ROBO2: variants seen among roughly 807,000 people sequenced by gnomAD.
ROBO2 encodes the protein roundabout homolog 2.
ROBO2 carries 53 observed loss-of-function variants against 160.8 expected under a neutral mutation model. That is an observed-to-expected ratio of 0.33 (90% confidence interval 0.26 to 0.41). The LOEUF (loss-of-function observed/expected upper bound fraction) is 0.41, where lower values mean the gene tolerates loss of function less well. Among genes scored for constraint, ROBO2 ranks in the 10% least tolerant of loss-of-function variants. The pLI is 1.00. For missense variants in ROBO2, 1,577 were observed against 1,722.4 expected (o/e 0.92, Z 1.49); for synonymous variants, 664 against 611.7 (o/e 1.09, Z -1.26).
intron 2 of ROBO2, among the ~76,000 whole-genome samples, chr3:76,102,990 A>AT (rs1313030194): frequency 3.3e-5 from 5 of 151,772 alleles, no homozygotes; most frequent in Admixed American, 6.6e-5. Context: ...CGCCTGGATA[A>AT]TTTTTTGCAT....
intron 1 of ROBO2, among the ~76,000 whole-genome samples, chr3:77,056,289 A>G (rs984541432): frequency 1.3e-5 from 2 of 152,112 alleles, no homozygotes; most frequent in African/African-American, 2.4e-5. Flanking sequence ...TTGTCCCCCA[A>G]CCACCGTTTG....
chr3:77,484,538 CACACA>C (rs2085108865), intron 4 of ROBO2, among the ~76,000 whole-genome samples: 4 of 151,446 alleles, frequency 2.6e-5, no homozygotes, highest in Non-Finnish European at 5.9e-5. Flanking sequence ...CACACACACA[CACACA>C]TATATTTCTC....
At chr3:76,124,828 G>A (rs998372768) in intron 2 of ROBO2, among the ~76,000 whole-genome samples, 1 of 151,910 alleles carries the variant, frequency 6.6e-6, no homozygotes, top group African/African-American at 2.4e-5. Flanking sequence ...TCCAAACATA[G>A]CAACATTATT....
chr3:77,015,308 A>G (rs1160158842), intron 2 of ROBO2, among the ~76,000 whole-genome samples: 1 of 152,192 alleles, frequency 6.6e-6, no homozygotes, highest in African/African-American at 2.4e-5. Context: ...AGTGTGACCA[A>G]TTTGTAATGA....
At chr3:76,860,402 T>A (rs1467223054) in intron 2 of ROBO2, among the ~76,000 whole-genome samples, 1 of 152,222 alleles carries the variant, frequency 6.6e-6, no homozygotes, top group Non-Finnish European at 1.5e-5. Context: ...TCAGCTGATT[T>A]GTAACAGAGC....
intron 2 of ROBO2, among the ~76,000 whole-genome samples, chr3:76,619,873 A>G (rs555002779): frequency 5.3e-5 from 8 of 152,308 alleles, no homozygotes; most frequent in Admixed American, 2.6e-4. Flanking sequence ...CTGATTTGGA[A>G]GAAAGTCTTA....
intron 2 of ROBO2, among the ~76,000 whole-genome samples, chr3:76,043,993 T>C (rs754423997): frequency 5.3e-5 from 8 of 152,016 alleles, no homozygotes; most frequent in Non-Finnish European, 1.0e-4. Context: ...CAATGTCCCA[T>C]AAACAAATAC....
intron 2 of ROBO2, among the ~76,000 whole-genome samples, chr3:75,971,469 A>G (rs2064990398): frequency 6.6e-6 from 1 of 151,574 alleles, no homozygotes; most frequent in African/African-American, 2.4e-5. Flanking sequence ...ACTTTGGTCA[A>G]GCAATTAACC....
At chr3:76,248,674 G>A (rs113069873) in intron 2 of ROBO2, among the ~76,000 whole-genome samples, 10 of 49,542 alleles carry the variant, frequency 2.0e-4, no homozygotes, top group Admixed American at 1.6e-3. Flanking sequence ...AAAAAAAAAA[G>A]AAATTCTTCC....
intron 2 of ROBO2, among the ~76,000 whole-genome samples, chr3:76,058,748 A>G (rs982625591): frequency 2.7e-5 from 4 of 149,058 alleles, no homozygotes; most frequent in Admixed American, 2.7e-4. Flanking sequence ...TGCTGCACCC[A>G]TTAACTCGTT....
chr3:76,096,268 A>G (rs2069449114), intron 2 of ROBO2, among the ~76,000 whole-genome samples: 1 of 152,176 alleles, frequency 6.6e-6, no homozygotes, highest in Non-Finnish European at 1.5e-5. Flanking sequence ...ATGACTCATA[A>G]ATAACTTTGA....
chr3:76,202,685 G>A lies in ROBO2; in HGVS notation c.109+265083G>A, dbSNP rs144473696. Among the ~76,000 whole-genome samples the A allele has an allele frequency of 4.1e-3, 623 of 152,292 alleles. 3 individuals are homozygous for A. Among genetic ancestry groups the A allele is most frequent in the Non-Finnish European group, 6.1e-3 (413 of 68,018 alleles). On this transcript the variant is annotated intron_variant, in intron 2 of 26. Coordinates refer to the ROBO2 transcript ENST00000487694. The stretch of plus-strand genomic sequence containing the variant: ...ATACAGTCATCTAAAGGGTGCTGCC[G>A]ATTCCTGTGTAGTTATGGGTGTGGG...
intron 2 of ROBO2, among the ~76,000 whole-genome samples, chr3:76,045,562 T>G (rs898151001): frequency 6.6e-6 from 1 of 152,110 alleles, no homozygotes; most frequent in East Asian, 1.9e-4. Context: ...GACCATTGTA[T>G]TTTTCAGTCT....
At chr3:76,335,570 T>C (rs1006721976) in intron 2 of ROBO2, among the ~76,000 whole-genome samples, 4 of 151,444 alleles carry the variant, frequency 2.6e-5, no homozygotes, top group Non-Finnish European at 5.9e-5. Context: ...CCCATCATCA[T>C]CAAAGCCATA....
At chr3:76,750,241 C>A (rs2093960843) in intron 2 of ROBO2, among the ~76,000 whole-genome samples, 1 of 152,084 alleles carries the variant, frequency 6.6e-6, no homozygotes, top group Non-Finnish European at 1.5e-5. Flanking sequence ...TGACAAAATT[C>A]AACAGTCCTT....
chr3:77,617,950 AAACTAG>A (rs11279805), intron 22 of ROBO2, 177 bp downstream of exon 23: 47,791 of 674,514 alleles, frequency 0.071, 3,075 homozygotes, highest in African/African-American at 0.21. Flanking sequence ...AATTTGGCCA[AAACTAG>A]AACTAGAACT....
chr3:77,359,389 G>A lies in ROBO2; in HGVS notation c.389-118025G>A, dbSNP rs140966097. Among the ~76,000 whole-genome samples, 18 of 152,216 alleles carry A rather than the reference G, an allele frequency of 1.2e-4. No homozygotes were observed. The East Asian group carries it at 2.1e-3, about 18-fold the overall frequency. ...GAACCATATAGCATAAAACTGAAAC[G>A]CAGAGAACAGATAAATGTATGTGTC... On this transcript the variant is annotated intron_variant, in intron 2 of 25. Coordinates refer to ENST00000461745, the Ensembl canonical transcript of ROBO2.
chr3:77,607,149 T>G (rs2094541248), intron 20 of ROBO2, among the ~76,000 whole-genome samples: 2 of 152,216 alleles, frequency 1.3e-5, no homozygotes, highest in African/African-American at 4.8e-5. Flanking sequence ...ACTGTATTAA[T>G]TTTTCCTCCT....
At position 76,308,237 on chromosome 3, in the gene ROBO2, C is replaced by A. The variant is rs189368827; in HGVS notation, c.109+370635C>A. On this transcript the variant is annotated intron_variant, in intron 2 of 26. Coordinates refer to the ROBO2 transcript ENST00000487694. ...ACTAAAAATACAGACATTAGCTGGGCGTGGTGGTGGGCGCCTGTAATCCCA... is the reference window on the plus strand; with the variant it reads ...ACTAAAAATACAGACATTAGCTGGGAGTGGTGGTGGGCGCCTGTAATCCCA... 1.6e-3 allele frequency among the ~76,000 whole-genome samples: 244 copies of A among 151,454 alleles called. 2 individuals are homozygous for A. The highest frequency in any genetic ancestry group is 5.8e-3 in the African/African-American group (241 of 41,348).
Sources: gnomAD v4.1 joint callset for allele counts (sites outside exome capture counted in the v4.1 genomes callset) on GRCh38, gnomAD v4.1.1 for gene constraint, MANE v1.5 for transcripts, NCBI Gene and HGNC (gene_info 2026-07-23, HGNC 2026-07-21) for gene names.